PARP15: variants seen among roughly 807,000 people sequenced by gnomAD.
PARP15 encodes the protein protein mono-ADP-ribosyltransferase PARP15.
PARP15 carries 50 observed loss-of-function variants against 62.1 expected under a neutral mutation model. The ratio of observed to expected loss-of-function variants is 0.81; its 90% CI spans 0.64 to 1.02. The LOEUF (loss-of-function observed/expected upper bound fraction) is 1.02, where lower values mean the gene tolerates loss of function less well. Ranked by LOEUF, PARP15 falls within the 50% of genes least tolerant of loss-of-function variation. The pLI is 0.00. For missense variants in PARP15, 820 were observed against 826.5 expected, an observed-to-expected ratio of 0.99 and a Z score of 0.10; for synonymous variants, 309 against 293.1, an observed-to-expected ratio of 1.05 and a Z score of -0.55.
chr3:122,578,633 G>A (rs2080735010), intron 1 of PARP15, among the ~76,000 whole-genome samples: 1 of 151,872 alleles, frequency 6.6e-6, no homozygotes, highest in African/African-American at 2.4e-5. Context: ...ATGTTTTAAT[G>A]TCAGGGCTAG....
intron 9 of PARP15, among the ~76,000 whole-genome samples, chr3:122,631,316 C>T (rs1486010637): frequency 6.6e-6 from 1 of 152,174 alleles, no homozygotes; most frequent in African/African-American, 2.4e-5. Context: ...GAGAACTTAC[C>T]CTGGATGGAC....
At chr3:122,580,667 GAT>G in intron 1 of PARP15, among the ~76,000 whole-genome samples, 1 of 152,294 alleles carries the variant, frequency 6.6e-6, no homozygotes, top group Non-Finnish European at 1.5e-5. Flanking sequence ...TCATCCATGT[GAT>G]AGCATGTGTC....
chr3:122,624,801 T>G (rs1221166554), intron 8 of PARP15, among the ~76,000 whole-genome samples: 1 of 152,202 alleles, frequency 6.6e-6, no homozygotes, highest in Non-Finnish European at 1.5e-5. Flanking sequence ...TGTTGTGGTT[T>G]CTTTTCTGAT....
chr3:122,591,784 T>G (rs1338346055), intron 1 of PARP15, among the ~76,000 whole-genome samples: 37 of 77,188 alleles, frequency 4.8e-4, no homozygotes, highest in African/African-American at 6.3e-4. Context: ...AAAAAAAAGG[T>G]ATTGATAAGA....
rs1937369633 is a variant in PARP15, at chr3:122,636,310, T to C, written c.*210T>C. ...TGATGGGTGGAAGCTGAGAAATGTA[T>C]GGTAAATGTCACAGAGCTACAACCA... On this transcript the variant is annotated 3_prime_UTR_variant, in exon 12 of 12. Coordinates refer to ENST00000464300, the MANE Select transcript of PARP15 (RefSeq NM_001113523.3). 2 of 555,448 alleles carry C rather than the reference T, an allele frequency of 3.6e-6. No individual in the cohort carries two copies. The highest frequency in any genetic ancestry group is 4.7e-5 in the South Asian group (2 of 42,950). 34.4% of individuals were successfully genotyped at this position (555,448 alleles called of 1,614,324 possible).
At chr3:122,617,222 A>G in intron 6 of PARP15, 58 bp downstream of exon 6, 3 of 1,523,274 alleles carry the variant, frequency 2.0e-6, no homozygotes, top group Admixed American at 1.8e-5. Flanking sequence ...TGGAAGGGAA[A>G]TTGTGGCTAA....
chr3:122,622,554 A>G (rs9827225), intron 8 of PARP15, among the ~76,000 whole-genome samples: 48,742 of 152,082 alleles, frequency 0.32, 10,675 homozygotes, highest in African/African-American at 0.64. Context: ...TTACTTCAGC[A>G]TCTCCCAGCC....
chr3:122,599,260 T>G (rs1451143747), intron 1 of PARP15, among the ~76,000 whole-genome samples: 2 of 151,830 alleles, frequency 1.3e-5, no homozygotes, highest in African/African-American at 4.8e-5. Flanking sequence ...CCCATCTACT[T>G]GGGAAGCCGA....
chr3:122,621,338 G>A (rs1936325186), intron 7 of PARP15, 106 bp from the exon 8 acceptor site: 1 of 1,215,854 alleles, frequency 8.2e-7, no homozygotes, highest in Non-Finnish European at 1.1e-6. Context: ...GTGAGACTGG[G>A]CTTCACAGCC....
chr3:122,632,538 G>A (rs1576551069), intron 10 of PARP15, among the ~76,000 whole-genome samples: 1 of 152,358 alleles, frequency 6.6e-6, no homozygotes, highest in South Asian at 2.1e-4. Flanking sequence ...GGAGAAGTCT[G>A]ATCCAGCGGC....
At chr3:122,583,432 C>G (rs1933131754) in intron 1 of PARP15, among the ~76,000 whole-genome samples, 1 of 151,974 alleles carries the variant, frequency 6.6e-6, no homozygotes, top group Non-Finnish European at 1.5e-5. Context: ...CAGTCTGTAT[C>G]ATTTTTAAAT....
chr3:122,606,479 G>A (rs1424318386), intron 2 of PARP15, among the ~76,000 whole-genome samples: 1 of 152,182 alleles, frequency 6.6e-6, no homozygotes, highest in Non-Finnish European at 1.5e-5. Flanking sequence ...AGAATGAGGA[G>A]GGATAAAGGT....
intron 1 of PARP15, among the ~76,000 whole-genome samples, chr3:122,598,530 T>C (rs9813620): frequency 0.93 from 141,977 of 152,166 alleles, 66,541 homozygotes; most frequent in Non-Finnish European, 0.98. Flanking sequence ...CAGCTGACTT[T>C]CCCCAGATTG....
chr3:122,630,365 T>C (rs538350752), intron 9 of PARP15, among the ~76,000 whole-genome samples: 3 of 152,204 alleles, frequency 2.0e-5, no homozygotes, highest in Non-Finnish European at 4.4e-5. Context: ...AAAATACCTT[T>C]GGCTTTATGC....
rs1553725400 is a variant in PARP15, at chr3:122,579,993, CTATATGTA to C, written c.186+2146_186+2153del. ...GACTCTGTCTGAACAACAACAGCAA[CTATATGTA>C]TATATATATATATATATATATATAT... On this transcript the variant is annotated intron_variant, in intron 1 of 11. Coordinates refer to ENST00000464300, the MANE Select transcript of PARP15 (RefSeq NM_001113523.3). Among the ~76,000 whole-genome samples, 645 of 70,854 alleles carry C rather than the reference CTATATGTA, an allele frequency of 9.1e-3. 22 individuals are homozygous for C. Among genetic ancestry groups the C allele is most frequent in the African/African-American group, 0.035 (601 of 17,150 alleles). 46.5% of individuals were successfully genotyped at this position (70,854 alleles called of 152,430 possible).
chr3:122,588,678 CAA>C lies in PARP15; in HGVS notation c.186+10827_186+10828del, dbSNP rs1209032019. On this transcript the variant is annotated intron_variant, in intron 1 of 11. Transcript: ENST00000464300. The stretch of plus-strand genomic sequence containing the variant: ...CTCTAAAAAATAAAAATAAATAAAA[CAA>C]AGAAATTTTCATCACCGCAAGAGAA... Among the ~76,000 whole-genome samples the C allele has an allele frequency of 5.3e-5, 8 of 152,104 alleles. No individual in the cohort carries two copies. In the East Asian group the frequency reaches 1.2e-3, roughly 22 times the overall value.
intron 1 of PARP15, among the ~76,000 whole-genome samples, chr3:122,603,959 G>A (rs1490079784): frequency 6.6e-6 from 1 of 152,208 alleles, no homozygotes; most frequent in African/African-American, 2.4e-5. Context: ...ATTGTTGCCT[G>A]GAGCTCTGTG....
At chr3:122,592,204 T>A (rs1050216680) in intron 1 of PARP15, among the ~76,000 whole-genome samples, 1 of 152,198 alleles carries the variant, frequency 6.6e-6, no homozygotes, top group Non-Finnish European at 1.5e-5. Context: ...TGCCCAATGA[T>A]GATAGACTGA....
chr3:122,630,123 CTT>C (rs1336019154), intron 9 of PARP15, among the ~76,000 whole-genome samples: 1 of 152,130 alleles, frequency 6.6e-6, no homozygotes, highest in Non-Finnish European at 1.5e-5. Context: ...CATGGAAACA[CTT>C]TTAAAAGGGT....
Sources: gnomAD v4.1 joint callset for allele counts (sites outside exome capture counted in the v4.1 genomes callset) on GRCh38, gnomAD v4.1.1 for gene constraint, MANE v1.5 for transcripts, NCBI Gene and HGNC (gene_info 2026-07-23, HGNC 2026-07-21) for gene names.